CNTNAP2: variants seen among roughly 807,000 people sequenced by gnomAD.
The protein encoded by CNTNAP2 is contactin associated protein 2.
A neutral mutation model predicts 155.2 loss-of-function variants in CNTNAP2; 98 were observed. The ratio of observed to expected loss-of-function variants is 0.63; its 90% CI spans 0.54 to 0.75. CNTNAP2 has a LOEUF of 0.75. CNTNAP2 is among the 30% of genes least tolerant of loss of function. The pLI is 0.00. For missense variants in CNTNAP2, 1,727 were observed against 1,688.1 expected (o/e 1.02, Z -0.40); for synonymous variants, 651 against 631.2 (o/e 1.03, Z -0.47).
At chr7:148,317,933 G>A (rs1469520789) in intron 21 of CNTNAP2, among the ~76,000 whole-genome samples, 2 of 151,864 alleles carry the variant, frequency 1.3e-5, no homozygotes, top group East Asian at 1.9e-4. Context: ...CGCCTAACTC[G>A]GCCTCCCAAA....
chr7:147,233,758 A>G (rs1803737243), intron 8 of CNTNAP2, among the ~76,000 whole-genome samples: 2 of 150,062 alleles, frequency 1.3e-5, no homozygotes, highest in Non-Finnish European at 3.0e-5. Context: ...AGTCTTATAT[A>G]AAAACATTGA....
intron 11 of CNTNAP2, among the ~76,000 whole-genome samples, chr7:147,547,631 A>AAACG (rs1799764279): frequency 2.5e-5 from 1 of 39,950 alleles, no homozygotes; most frequent in Non-Finnish European, 6.2e-5. Context: ...TTTCTTCTAA[A>AAACG]CACACACACA....
intron 8 of CNTNAP2, among the ~76,000 whole-genome samples, chr7:147,244,376 C>A (rs997597687): frequency 1.3e-5 from 2 of 152,106 alleles, no homozygotes; most frequent in African/African-American, 4.8e-5. Flanking sequence ...TTACTAAGCA[C>A]CCTATATGTT....
intron 1 of CNTNAP2, among the ~76,000 whole-genome samples, chr7:146,449,663 T>A (rs932257261): frequency 1.3e-5 from 2 of 152,118 alleles, no homozygotes; most frequent in African/African-American, 2.4e-5. Flanking sequence ...TGGGTATTAT[T>A]GAAAGAAAGG....
intron 14 of CNTNAP2, among the ~76,000 whole-genome samples, chr7:147,953,376 A>T (rs994537775): frequency 6.6e-6 from 1 of 152,192 alleles, no homozygotes; most frequent in Non-Finnish European, 1.5e-5. Context: ...ATCAGCATCC[A>T]GGTAGCCACA....
At chr7:147,207,581 T>C (rs566502066) in intron 8 of CNTNAP2, among the ~76,000 whole-genome samples, 2 of 152,248 alleles carry the variant, frequency 1.3e-5, no homozygotes, top group East Asian at 3.9e-4. Context: ...AGTTCTAAAA[T>C]TCCATTTTTA....
chr7:147,261,582 A>G (rs1313841680), intron 8 of CNTNAP2, among the ~76,000 whole-genome samples: 1 of 152,132 alleles, frequency 6.6e-6, no homozygotes, highest in African/African-American at 2.4e-5. Context: ...ACCATGAAGA[A>G]CAACTCACCT....
intron 13 of CNTNAP2, among the ~76,000 whole-genome samples, chr7:147,666,944 A>G (rs1187679163): frequency 6.6e-6 from 1 of 152,232 alleles, no homozygotes; most frequent in Non-Finnish European, 1.5e-5. Context: ...ACAACAGTTC[A>G]GGAAGAGCCT....
At chr7:147,672,229 T>C (rs1402595941) in intron 13 of CNTNAP2, 2 of 152,122 alleles carry the variant, frequency 1.3e-5, no homozygotes, top group East Asian at 1.9e-4. Flanking sequence ...TACCCAAAAG[T>C]TAATCAGAAT....
chr7:146,595,218 G>C (rs998171601), intron 1 of CNTNAP2, among the ~76,000 whole-genome samples: 1 of 151,944 alleles, frequency 6.6e-6, no homozygotes, highest in Non-Finnish European at 1.5e-5. Flanking sequence ...TTATAGACCC[G>C]TGTTATCAAG....
intron 2 of CNTNAP2, among the ~76,000 whole-genome samples, chr7:146,815,829 A>G (rs1803158151): frequency 6.6e-6 from 1 of 152,268 alleles, no homozygotes; most frequent in African/African-American, 2.4e-5. Flanking sequence ...TTACATATGT[A>G]TACATGTGCC....
intron 14 of CNTNAP2, among the ~76,000 whole-genome samples, chr7:147,914,639 C>T (rs1341046554): frequency 6.6e-6 from 1 of 152,092 alleles, no homozygotes; most frequent in African/African-American, 2.4e-5. Context: ...TGGCTCACTG[C>T]AACCTCGACC....
rs1281420202 is a variant in CNTNAP2 at position 147,128,730 on chromosome 7, G to T, written c.977G>T (p.Ser326Ile). The T allele has an allele frequency of 1.2e-6, 2 of 1,613,866 alleles. No homozygotes were observed. The highest frequency in any genetic ancestry group is 1.7e-6 in the Non-Finnish European group (2 of 1,179,942). The part of the protein sequence containing the change: ...FGGIPFSGKP[S>I]SSSRKNFKGC... Reference sequence around the variant, plus strand: ...GGCATCCCTTTCTCTGGCAAGCCCAGCTCCAGCAGTAGAAAGAATTTCAAA... The same window carrying T: ...GGCATCCCTTTCTCTGGCAAGCCCATCTCCAGCAGTAGAAAGAATTTCAAA... The change falls in exon 7 of 24, where the codon AGC becomes ATC. Residue 326 changes from serine (S) to isoleucine (I), a missense_variant. Transcript: ENST00000361727.
intron 18 of CNTNAP2, among the ~76,000 whole-genome samples, chr7:148,202,440 G>A (rs1426182150): frequency 6.6e-6 from 1 of 152,160 alleles, no homozygotes; most frequent in Admixed American, 6.5e-5. Flanking sequence ...TTGATTTTAT[G>A]TGTACGGAGA....
At chr7:147,706,714 T>A (rs1218114143) in intron 13 of CNTNAP2, among the ~76,000 whole-genome samples, 3 of 152,206 alleles carry the variant, frequency 2.0e-5, no homozygotes, top group Non-Finnish European at 4.4e-5. Flanking sequence ...TTTTGTTAAA[T>A]AGGTTTTCTA....
chr7:146,386,135 T>C (rs1795456500), intron 1 of CNTNAP2, among the ~76,000 whole-genome samples: 1 of 152,182 alleles, frequency 6.6e-6, no homozygotes, highest in African/African-American at 2.4e-5. Flanking sequence ...ACTCTTATAT[T>C]CATAAATAAA....
chr7:148,411,192 G>A (rs1799829826), intron 23 of CNTNAP2, among the ~76,000 whole-genome samples: 1 of 152,082 alleles, frequency 6.6e-6, no homozygotes, highest in East Asian at 1.9e-4. Flanking sequence ...AATCCTCACT[G>A]TCTTTTGCTT....
intron 10 of CNTNAP2, among the ~76,000 whole-genome samples, chr7:147,449,051 G>A (rs749666947): frequency 1.3e-5 from 2 of 152,052 alleles, no homozygotes; most frequent in Non-Finnish European, 2.9e-5. Context: ...TTTAACCAAA[G>A]GCACTTTTCC....
intron 14 of CNTNAP2, among the ~76,000 whole-genome samples, chr7:147,913,314 C>T (rs1229563052): frequency 6.6e-6 from 1 of 152,110 alleles, no homozygotes; most frequent in Non-Finnish European, 1.5e-5. Context: ...TTCCTGCCCC[C>T]AAATTCAGGA....
Sources: gnomAD v4.1 joint callset for allele counts (sites outside exome capture counted in the v4.1 genomes callset) on GRCh38, gnomAD v4.1.1 for gene constraint, MANE v1.5 for transcripts, NCBI Gene and HGNC (gene_info 2026-07-23, HGNC 2026-07-21) for gene names.